The following MFAP5 variants were observed in gnomAD, a reference collection of about 807,000 sequenced individuals.
The protein encoded by MFAP5 is microfibril associated protein 5.
In MFAP5, 19 loss-of-function variants were observed where a neutral mutation model predicts 30.1. The ratio of observed to expected loss-of-function variants is 0.63; its 90% CI spans 0.44 to 0.93. MFAP5 has a LOEUF of 0.93. Among genes scored for constraint, MFAP5 ranks in the 40% least tolerant of loss-of-function variants. The pLI is 0.00. For missense variants in MFAP5, 210 were observed against 221.3 expected, an observed-to-expected ratio of 0.95 and a Z score of 0.32; for synonymous variants, 92 against 72.9, an observed-to-expected ratio of 1.26 and a Z score of -1.33.
intron 5 of MFAP5, 36 bp from the exon 6 acceptor site, chr12:8,654,517 T>A: frequency 6.3e-7 from 1 of 1,579,206 alleles, no homozygotes; most frequent in Non-Finnish European, 8.6e-7. Flanking sequence ...TGAGGAGGGC[T>A]TCAAATTGCA....
In MFAP5 at chr12:8,662,730, C is replaced by A. The variant is rs1429500353; in HGVS notation, c.-106G>T. The A allele has an allele frequency of 6.6e-6, 1 of 152,416 alleles. No individual in the cohort carries two copies. 9.4% of individuals were successfully genotyped at this position (152,416 alleles called of 1,614,324 possible). ...TGGCTGGCGAATAAGATGAACAGAG[C>A]CACTCCCTGGAAAGGACTTCAGATT... On this transcript the variant is annotated 5_prime_UTR_variant, in exon 1 of 10. Transcript: ENST00000359478.
At chr12:8,655,561 T>C (rs1941958716) in intron 4 of MFAP5, 114 bp from the exon 5 acceptor site, 1 of 1,171,124 alleles carries the variant, frequency 8.5e-7, no homozygotes, top group Admixed American at 2.3e-5. Flanking sequence ...AGTGAAAGCC[T>C]GTGGACTCGG....
chr12:8,658,030 C>G (rs578155788), intron 3 of MFAP5, among the ~76,000 whole-genome samples: 24 of 152,268 alleles, frequency 1.6e-4, no homozygotes, highest in African/African-American at 5.1e-4. Flanking sequence ...TTACCTCATC[C>G]TGTTTTCTAA....
chr12:8,656,354 T>C (rs973381421), intron 3 of MFAP5, among the ~76,000 whole-genome samples: 2 of 151,282 alleles, frequency 1.3e-5, no homozygotes, highest in African/African-American at 2.4e-5. Context: ...AGCCCATAAT[T>C]CTGATATAAT....
In MFAP5 at chr12:8,662,470, G is replaced by T. The variant is rs764635712; in HGVS notation, c.-3+157C>A. On this transcript the variant is annotated intron_variant, in intron 1 of 9. Coordinates refer to ENST00000359478, the MANE Select transcript of MFAP5 (RefSeq NM_003480.4). ...TTTTTCATATCATCTGCTCATCTTGGCGTCTCCTTCATCAGAATTCCACGG... is the reference window on the plus strand; with the variant it reads ...TTTTTCATATCATCTGCTCATCTTGTCGTCTCCTTCATCAGAATTCCACGG... 1.3e-4 allele frequency: 28 copies of T among 222,588 alleles called. No homozygotes were observed. The Admixed American group carries it at 1.4e-3, about 11-fold the overall frequency. The allele number at this position is 222,588 out of a possible 1,614,324, so 13.8% of individuals were successfully genotyped here.
intron 7 of MFAP5, among the ~76,000 whole-genome samples, chr12:8,651,315 A>G (rs1480683066): frequency 2.0e-5 from 3 of 152,248 alleles, no homozygotes; most frequent in Non-Finnish European, 4.4e-5. Context: ...TTATCAGTAC[A>G]TTAGGAAATG....
intron 6 of MFAP5, among the ~76,000 whole-genome samples, chr12:8,652,134 A>C (rs904354969): frequency 6.6e-6 from 1 of 152,140 alleles, no homozygotes; most frequent in Non-Finnish European, 1.5e-5. Flanking sequence ...CTCTTGATAG[A>C]AGCTGTTGGG....
At position 8,651,652 on chromosome 12, in the gene MFAP5, A is replaced by G. The variant is rs781057442; in HGVS notation, c.247+10T>C. ...AAAGGCTTAAGAAGGCATGCAAGCA[A>G]CAATCATACCTGCAGTGGTATTTTT... On this transcript the variant is annotated intron_variant, in intron 7 of 9. Transcript: ENST00000359478. 2.8e-5 allele frequency: 45 copies of G among 1,613,840 alleles called. 1 individual carries two copies. The South Asian group carries it at 4.5e-4, about 16-fold the overall frequency.
At chr12:8,651,721 A>G in intron 6 of MFAP5, 30 bp from the exon 7 acceptor site, 6 of 1,606,856 alleles carry the variant, frequency 3.7e-6, no homozygotes, top group Non-Finnish European at 5.1e-6. Context: ...TTCCACTGTT[A>G]CCAATTCTAG....
chr12:8,660,740 G>A (rs1233790704), intron 3 of MFAP5, 123 bp downstream of exon 3: 5 of 856,808 alleles, frequency 5.8e-6, no homozygotes, highest in Non-Finnish European at 9.1e-6. Flanking sequence ...CTTTGTTGTA[G>A]GAAATATTCT....
chr12:8,650,242 C>G (rs1941796846), intron 8 of MFAP5: 1 of 448,028 alleles, frequency 2.2e-6, no homozygotes, highest in Non-Finnish European at 4.1e-6. Flanking sequence ...ATTGAGCATG[C>G]CAGTATTTCC....
intron 3 of MFAP5, among the ~76,000 whole-genome samples, chr12:8,657,326 G>A (rs1350405791): frequency 6.6e-6 from 1 of 151,976 alleles, no homozygotes; most frequent in African/African-American, 2.4e-5. Flanking sequence ...GGCTGAGGCA[G>A]GAGAATCGCT....
chr12:8,655,493 G>T, intron 4 of MFAP5, 46 bp from the exon 5 acceptor site: 1 of 1,578,640 alleles, frequency 6.3e-7, no homozygotes, highest in African/African-American at 1.4e-5. Flanking sequence ...GTCAGGAAAA[G>T]TAGCTAAGGA....
intron 3 of MFAP5, among the ~76,000 whole-genome samples, chr12:8,656,669 T>TAC: frequency 1.2e-5 from 1 of 86,666 alleles, no homozygotes; most frequent in Non-Finnish European, 2.2e-5. Flanking sequence ...TATATATATA[T>TAC]TTTTTTTTTT....
chr12:8,650,691 C>G, intron 7 of MFAP5, 102 bp from the exon 8 acceptor site: 3 of 942,016 alleles, frequency 3.2e-6, no homozygotes, highest in Non-Finnish European at 5.1e-6. Context: ...GAAAAAAATA[C>G]AGAGTAATCT....
At chr12:8,661,951 G>T in intron 2 of MFAP5, 96 bp downstream of exon 2, 1 of 1,160,240 alleles carries the variant, frequency 8.6e-7, no homozygotes, top group Non-Finnish European at 1.3e-6. Flanking sequence ...CATCTCTACT[G>T]CTATTCCTCT....
Position 8,662,158 on chromosome 12 carries a change from C to T in MFAP5, c.-2-52G>A, listed in dbSNP as rs1942172647. ...AATGTGATGCTCAGAGGCACATCAG[C>T]ATTTCAGTGCCAGGGAAAGATGCCT... On this transcript the variant is annotated intron_variant, in intron 1 of 9. Transcript: ENST00000359478. 8.0e-6 allele frequency: 12 copies of T among 1,501,782 alleles called. 1 individual carries two copies. In the Middle Eastern group the frequency reaches 1.8e-3, roughly 222 times the overall value. 93.0% of individuals were successfully genotyped at this position (1,501,782 alleles called of 1,614,324 possible). A position where few individuals can be genotyped will look rare whatever the true frequency, so the allele number is the denominator to read the frequency against.
chr12:8,659,504 G>T (rs890214352), intron 3 of MFAP5, among the ~76,000 whole-genome samples: 1 of 152,036 alleles, frequency 6.6e-6, no homozygotes, highest in African/African-American at 2.4e-5. Flanking sequence ...ACACAGGACT[G>T]GTTCCTAATC....
chr12:8,656,344 A>G (rs12302099), intron 3 of MFAP5, among the ~76,000 whole-genome samples: 19,269 of 151,004 alleles, frequency 0.13, 1,575 homozygotes, highest in African/African-American at 0.23. Flanking sequence ...CACCGCGCCC[A>G]GCCCATAATT....
Sources: allele counts gnomAD v4.1 joint callset (sites outside exome capture counted in the v4.1 genomes callset), GRCh38; gene constraint gnomAD v4.1.1; transcripts MANE v1.5; gene names NCBI Gene and HGNC (gene_info 2026-07-23, HGNC 2026-07-21).